The following ITPRIPL2 variants were observed in gnomAD, a reference collection of about 807,000 sequenced individuals.
The protein encoded by ITPRIPL2 is ITPRIP like 2, also known as inositol 1,4,5-trisphosphate receptor-interacting protein-like 2.
Under a neutral mutation model 31.7 loss-of-function variants are expected in ITPRIPL2, and 29 were observed. The ratio of observed to expected loss-of-function variants is 0.91; its 90% CI spans 0.68 to 1.25. The LOEUF (loss-of-function observed/expected upper bound fraction) is 1.25, where lower values mean the gene tolerates loss of function less well. Among genes scored for constraint, ITPRIPL2 ranks in the 50% most tolerant of loss-of-function variants. ITPRIPL2 has a pLI of 0.00. For missense variants in ITPRIPL2, 696 were observed against 739.1 expected (o/e 0.94, Z 0.68); for synonymous variants, 344 against 343.4 (o/e 1.00, Z -0.02).
At position 19,115,679 on chromosome 16, in the gene ITPRIPL2, G is replaced by A. The variant is rs1387546440; in HGVS notation, c.1218G>A (p.Val406=). The A allele has an allele frequency of 1.2e-6, 2 of 1,612,670 alleles. No homozygotes were observed. Among genetic ancestry groups the A allele is most frequent in the Non-Finnish European group, 1.7e-6 (2 of 1,179,892 alleles). ...TQWGRILSSY[V]LKTVLLAVLL... ...GGGGACGCATCCTATCCTCATATGT[G>A]CTCAAGACAGTGCTGCTGGCAGTGC... Residue 406 remains valine (V), a synonymous_variant, in exon 1 of 1, where the codon GTG becomes GTA. Transcript: ENST00000381440.
chr16:19,115,115 G>C lies in ITPRIPL2; in HGVS notation c.654G>C (p.Ser218=). 1 of 1,601,454 alleles carries C rather than the reference G, an allele frequency of 6.2e-7. No homozygotes were observed. The highest frequency in any genetic ancestry group is 8.5e-7 in the Non-Finnish European group (1 of 1,179,902). ...CCCTCAAGGCACCACCCTCACCATC[G>C]GGGGCCTCGGGGGGCCACTGGCTTC... is the stretch of plus-strand genomic sequence containing the variant. ...LCALKAPPSP[S]GASGGHWLRD... Residue 218 remains serine (S), a synonymous_variant, in exon 1 of 1, where the codon TCG becomes TCC. Transcript: ENST00000381440.
rs544629427 is a variant in ITPRIPL2, at chr16:19,120,330, C to T, written c.*4261C>T. The T allele has an allele frequency of 1.9e-5, 3 of 158,942 alleles. No individual in the cohort carries two copies. Among genetic ancestry groups the T allele is most frequent in the African/African-American group, 7.2e-5 (3 of 41,542 alleles). The allele number at this position is 158,942 out of a possible 1,614,324, so 9.8% of individuals were successfully genotyped here. ...CTACTGGACTCAAGCCATCCTCCCA[C>T]CTCGGCCTCCCAAAGTGTTGGGATT... On this transcript the variant is annotated 3_prime_UTR_variant, in exon 1 of 1. Transcript: ENST00000381440.
Position 19,115,682 on chromosome 16 carries a change from C to T in ITPRIPL2, c.1221C>T (p.Leu407=), listed in dbSNP as rs773458044. The T allele has an allele frequency of 3.7e-6, 6 of 1,612,702 alleles. No homozygotes were observed. In the Admixed American group the frequency reaches 1.0e-4, roughly 27 times the overall value. The change falls in exon 1 of 1, where the codon CTC becomes CTT. Residue 407 remains leucine, a synonymous_variant. Transcript: ENST00000381440. ...QWGRILSSYV[L]KTVLLAVLLR... Reference sequence around the variant, plus strand: ...GACGCATCCTATCCTCATATGTGCTCAAGACAGTGCTGCTGGCAGTGCTGC... The same window carrying T: ...GACGCATCCTATCCTCATATGTGCTTAAGACAGTGCTGCTGGCAGTGCTGC...
rs1963515193 is a variant in ITPRIPL2 at position 19,121,101 on chromosome 16, C to T, written c.*5032C>T. The T allele has an allele frequency of 6.0e-6, 1 of 166,070 alleles. No homozygotes were observed. Among genetic ancestry groups the T allele is most frequent in the Non-Finnish European group, 1.5e-5 (1 of 68,004 alleles). The allele number at this position is 166,070 out of a possible 1,614,324, so 10.3% of individuals were successfully genotyped here. On this transcript the variant is annotated 3_prime_UTR_variant, in exon 1 of 1. Transcript: ENST00000381440. Reference sequence around the variant, plus strand: ...ATACAACTTTATTTTTTTATACCTACATAGCACATGACTGGGGGGATAAAG... The same window carrying T: ...ATACAACTTTATTTTTTTATACCTATATAGCACATGACTGGGGGGATAAAG...
rs1224849469 is a variant in ITPRIPL2, at chr16:19,115,338, C to A, written c.877C>A (p.Pro293Thr). Reference sequence around the variant, plus strand: ...ACAGCCCCCCACCTTACACATCTTGCCCTGCCGCACTGACTACGGCTGCTG... The same window carrying A: ...ACAGCCCCCCACCTTACACATCTTGACCTGCCGCACTGACTACGGCTGCTG... Reference protein sequence around the residue: ...LEQPPTLHILPCRTDYGCCRL... With the variant: ...LEQPPTLHILTCRTDYGCCRL... Residue 293 changes from proline (P) to threonine (T), a missense_variant, in exon 1 of 1, where the codon CCC (proline) becomes ACC (threonine). Coordinates refer to ENST00000381440, the MANE Select transcript of ITPRIPL2 (RefSeq NM_001034841.4). 1 of 1,613,484 alleles carries A rather than the reference C, an allele frequency of 6.2e-7. No individual in the cohort carries two copies. The highest frequency in any genetic ancestry group is 1.3e-5 in the African/African-American group (1 of 74,952).
chr16:19,119,576 C>T lies in ITPRIPL2; in HGVS notation c.*3507C>T, dbSNP rs1380803945. 6.0e-6 allele frequency: 1 copy of T among 167,052 alleles called. No homozygotes were observed. The highest frequency in any genetic ancestry group is 1.5e-5 in the Non-Finnish European group (1 of 68,212). The allele number at this position is 167,052 out of a possible 1,614,324, so 10.3% of individuals were successfully genotyped here. ...CAAACATTTGTTTGAGCCTGGGGGC[C>T]ACCAGTTTGCGACCACTGCCTTACG... On this transcript the variant is annotated 3_prime_UTR_variant, in exon 1 of 1. Transcript: ENST00000381440.
At position 19,118,176 on chromosome 16, in the gene ITPRIPL2, GC is replaced by G. The variant is rs1337209575; in HGVS notation, c.*2108del. The G allele has an allele frequency of 6.0e-6, 1 of 166,642 alleles. No individual in the cohort carries two copies. Among genetic ancestry groups the G allele is most frequent in the African/African-American group, 2.4e-5 (1 of 41,300 alleles). 10.3% of individuals were successfully genotyped at this position (166,642 alleles called of 1,614,324 possible). On this transcript the variant is annotated 3_prime_UTR_variant, in exon 1 of 1. Transcript: ENST00000381440. Reference sequence around the variant, plus strand: ...CATCAAGGGTTGGAAGGATTATAAAGCTTTAAGGCTGGGCGTGGTGGCTCAC... The same window carrying G: ...CATCAAGGGTTGGAAGGATTATAAAGTTTAAGGCTGGGCGTGGTGGCTCAC...
At position 19,115,141 on chromosome 16, in the gene ITPRIPL2, G is replaced by T; in HGVS notation, c.680G>T (p.Arg227Leu). 1 of 1,603,358 alleles carries T rather than the reference G, an allele frequency of 6.2e-7. No individual in the cohort carries two copies. ...GGGGCCTCGGGGGGCCACTGGCTTC[G>T]GGACTGCAAACCCTTTGCTGATGCC... ...PSGASGGHWL[R>L]DCKPFADAFC... The change falls in exon 1 of 1, where the codon CGG becomes CTG. Residue 227 changes from arginine to leucine, a missense_variant. Arg to Leu is a moderately radical substitution (Grantham distance 102). Transcript: ENST00000381440.
rs570334774 is a variant in ITPRIPL2, at chr16:19,116,832, A to G, written c.*763A>G. 6.0e-6 allele frequency: 1 copy of G among 167,238 alleles called. No individual in the cohort carries two copies. Among genetic ancestry groups the G allele is most frequent in the East Asian group, 1.9e-4 (1 of 5,194 alleles). 10.4% of individuals were successfully genotyped at this position (167,238 alleles called of 1,614,324 possible). A position where few individuals can be genotyped will look rare whatever the true frequency, so the allele number is the denominator to read the frequency against. ...GGGAAGCCAGTTATATTTATTATTA[A>G]ATGTACAACCTTGAAAAGCAGCCAG... On this transcript the variant is annotated 3_prime_UTR_variant, in exon 1 of 1. Transcript: ENST00000381440.
rs1963460052 is a variant in ITPRIPL2 at position 19,117,582 on chromosome 16, C to T, written c.*1513C>T. 6.0e-6 allele frequency: 1 copy of T among 166,966 alleles called. No homozygotes were observed. Among genetic ancestry groups the T allele is most frequent in the Admixed American group, 6.5e-5 (1 of 15,268 alleles). 10.3% of individuals were successfully genotyped at this position (166,966 alleles called of 1,614,324 possible). On this transcript the variant is annotated 3_prime_UTR_variant, in exon 1 of 1. Transcript: ENST00000381440. ...TTGCCTGATTGGAAATGCAGCCAGT[C>T]CAAGTGTTACAAATTGGGATTTTTT...
chr16:19,117,347 C>T lies in ITPRIPL2; in HGVS notation c.*1278C>T, dbSNP rs1057022156. 6.0e-6 allele frequency: 1 copy of T among 167,078 alleles called. No homozygotes were observed. Among genetic ancestry groups the T allele is most frequent in the Non-Finnish European group, 1.5e-5 (1 of 68,112 alleles). The allele number at this position is 167,078 out of a possible 1,614,324, so 10.3% of individuals were successfully genotyped here. A position where few individuals can be genotyped will look rare whatever the true frequency, so the allele number is the denominator to read the frequency against. ...GCTCTGTGCTTGAAGATCAGTTACT[C>T]CCTGGTCGTGGGCAGAGGAGACAAA... is the stretch of plus-strand genomic sequence containing the variant. On this transcript the variant is annotated 3_prime_UTR_variant, in exon 1 of 1. Coordinates refer to ENST00000381440, the MANE Select transcript of ITPRIPL2 (RefSeq NM_001034841.4).
chr16:19,117,174 G>C lies in ITPRIPL2; in HGVS notation c.*1105G>C, dbSNP rs1251468966. 1.2e-5 allele frequency: 2 copies of C among 167,148 alleles called. No homozygotes were observed. The highest frequency in any genetic ancestry group is 3.8e-4 in the East Asian group (2 of 5,208). 10.4% of individuals were successfully genotyped at this position (167,148 alleles called of 1,614,324 possible). ...TCTGAGCTTAATGAGCTAATGAAGA[G>C]GAAATGCCTGCTGCTTAGCATGTGG... On this transcript the variant is annotated 3_prime_UTR_variant, in exon 1 of 1. Transcript: ENST00000381440.
At position 19,114,357 on chromosome 16, in the gene ITPRIPL2, A is replaced by C; in HGVS notation, c.-105A>C. On this transcript the variant is annotated 5_prime_UTR_variant, in exon 1 of 1. Transcript: ENST00000381440. ...TCGGGAAGCCGCCGCGGAGGAGGAGACGGGGACAGCGGGGCTGCCCGGGCG... is the reference window on the plus strand; with the variant it reads ...TCGGGAAGCCGCCGCGGAGGAGGAGCCGGGGACAGCGGGGCTGCCCGGGCG... 1 of 889,940 alleles carries C rather than the reference A, an allele frequency of 1.1e-6. No homozygotes were observed. The highest frequency in any genetic ancestry group is 1.5e-6 in the Non-Finnish European group (1 of 673,916). The allele number at this position is 889,940 out of a possible 1,614,324, so 55.1% of individuals were successfully genotyped here.
At position 19,115,554 on chromosome 16, in the gene ITPRIPL2, C is replaced by T. The variant is rs1401327639; in HGVS notation, c.1093C>T (p.Arg365Trp). The T allele has an allele frequency of 3.1e-6, 5 of 1,602,210 alleles. No individual in the cohort carries two copies. Among genetic ancestry groups the T allele is most frequent in the African/African-American group, 1.3e-5 (1 of 74,862 alleles). The change falls in exon 1 of 1, where the codon CGG becomes TGG. Residue 365 changes from arginine (R) to tryptophan (W), a missense_variant. Transcript: ENST00000381440. Reference sequence around the variant, plus strand: ...GAAGCTGCTGAGTTGGCTGCAGGAACGGGCAGCTCCAGGTGCCTGCTACCT... The same window carrying T: ...GAAGCTGCTGAGTTGGCTGCAGGAATGGGCAGCTCCAGGTGCCTGCTACCT... ...EQKLLSWLQE[R>W]AAPGACYLKC...
In ITPRIPL2 at chr16:19,114,691, G is replaced by T. The variant is rs771427401; in HGVS notation, c.230G>T (p.Gly77Val). 2.1e-5 allele frequency: 34 copies of T among 1,612,332 alleles called. No individual in the cohort carries two copies. Among genetic ancestry groups the T allele is most frequent in the East Asian group, 4.5e-5 (2 of 44,866 alleles). Reference protein sequence around the residue: ...RHAVRQRFLPGSPRLEGHAAF... With the variant: ...RHAVRQRFLPVSPRLEGHAAF... ...GCTGTCCGGCAGCGCTTCCTGCCCG[G>T]GTCTCCCCGTCTGGAGGGTCACGCC... Residue 77 changes from glycine to valine, a missense_variant, in exon 1 of 1, where the codon GGG becomes GTG. By Grantham distance (109) the Gly-to-Val change is moderately radical. Coordinates refer to ENST00000381440, the MANE Select transcript of ITPRIPL2 (RefSeq NM_001034841.4).
chr16:19,115,086 T>C lies in ITPRIPL2; in HGVS notation c.625T>C (p.Cys209Arg). The C allele has an allele frequency of 6.3e-7, 1 of 1,599,902 alleles. No individual in the cohort carries two copies. ...CCCGGCCTTCCGCGGCTGCTTCTTG[T>C]GCGCCCTCAAGGCACCACCCTCACC... is the stretch of plus-strand genomic sequence containing the variant. ...LAPAFRGCFLCALKAPPSPSG... is the reference protein window; with the variant it reads ...LAPAFRGCFLRALKAPPSPSG... Residue 209 changes from cysteine (C) to arginine (R), a missense_variant, in exon 1 of 1, where the codon TGC becomes CGC. By Grantham distance (180) the Cys-to-Arg change is radical (BLOSUM62 -3). Transcript: ENST00000381440.
At position 19,120,067 on chromosome 16, in the gene ITPRIPL2, T is replaced by C. The variant is rs1489931926; in HGVS notation, c.*3998T>C. 6.0e-6 allele frequency: 1 copy of C among 167,096 alleles called. No homozygotes were observed. The highest frequency in any genetic ancestry group is 1.5e-5 in the Non-Finnish European group (1 of 68,134). 10.4% of individuals were successfully genotyped at this position (167,096 alleles called of 1,614,324 possible). ...CTTCTTAGGCTCATACCATTTCAAC[T>C]ACCAAGAACACAGGTTTTTGTTTTT... On this transcript the variant is annotated 3_prime_UTR_variant, in exon 1 of 1. Coordinates refer to ENST00000381440, the MANE Select transcript of ITPRIPL2 (RefSeq NM_001034841.4).
At position 19,114,302 on chromosome 16, in the gene ITPRIPL2, G is replaced by A. The variant is rs571793102; in HGVS notation, c.-160G>A. ...CACTTGAGCTGGGAGAGGAGGCCGA[G>A]CTGGAGGGCGGCCTCCCTCGGGCCT... On this transcript the variant is annotated 5_prime_UTR_variant, in exon 1 of 1. Coordinates refer to ENST00000381440, the MANE Select transcript of ITPRIPL2 (RefSeq NM_001034841.4). 154 of 429,570 alleles carry A rather than the reference G, an allele frequency of 3.6e-4. 2 individuals are homozygous for A. The Admixed American group carries it at 5.0e-3, about 14-fold the overall frequency. 26.6% of individuals were successfully genotyped at this position (429,570 alleles called of 1,614,324 possible).
Position 19,115,145 on chromosome 16 carries a change from C to T in ITPRIPL2, c.684C>T (p.Asp228=). The change falls in exon 1 of 1, where the codon GAC becomes GAT. Residue 228 remains aspartate, a synonymous_variant. Transcript: ENST00000381440. The part of the protein sequence containing the change: ...SGASGGHWLR[D]CKPFADAFCV... ...CCTCGGGGGGCCACTGGCTTCGGGA[C>T]TGCAAACCCTTTGCTGATGCCTTCT... 6.2e-7 allele frequency: 1 copy of T among 1,603,904 alleles called. No individual in the cohort carries two copies.
Sources: gnomAD v4.1 joint callset for allele counts on GRCh38, gnomAD v4.1.1 for gene constraint, MANE v1.5 for transcripts, NCBI Gene and HGNC (gene_info 2026-07-23, HGNC 2026-07-21) for gene names.